Variants in SYT1 observed in about 807,000 individuals in gnomAD.
SYT1 encodes the protein synaptotagmin-1.
Under a neutral mutation model 44.8 loss-of-function variants are expected in SYT1, and 8 were observed. The ratio of observed to expected loss-of-function variants is 0.18; its 90% CI spans 0.10 to 0.32. The LOEUF is 0.32. SYT1 is among the 10% of genes least tolerant of loss of function. The pLI, the probability that SYT1 is intolerant of heterozygous loss-of-function variation, is 1.00. For missense variants in SYT1, 286 were observed against 509.3 expected, an observed-to-expected ratio of 0.56 and a Z score of 4.22; for synonymous variants, 154 against 188.8, an observed-to-expected ratio of 0.82 and a Z score of 1.51.
intron 2 of SYT1, among the ~76,000 whole-genome samples, chr12:78,988,029 C>T (rs1192794242): frequency 6.6e-6 from 1 of 152,066 alleles, no homozygotes; most frequent in East Asian, 1.9e-4. Flanking sequence ...ATTCATTCAA[C>T]CAATATTTAC....
At chr12:78,873,858 A>G (rs1296770245) in intron 1 of SYT1, among the ~76,000 whole-genome samples, 2 of 151,788 alleles carry the variant, frequency 1.3e-5, no homozygotes, top group Non-Finnish European at 3.0e-5. Context: ...TCAGTTGGCA[A>G]TTCTTTGTGT....
intron 3 of SYT1, among the ~76,000 whole-genome samples, chr12:79,089,636 G>C (rs1360111329): frequency 6.6e-6 from 1 of 151,820 alleles, no homozygotes; most frequent in Non-Finnish European, 1.5e-5. Context: ...CCAGATCCAA[G>C]GCCCTATATC....
intron 3 of SYT1, among the ~76,000 whole-genome samples, chr12:79,109,063 C>A (rs1218471318): frequency 6.6e-6 from 1 of 152,144 alleles, no homozygotes; most frequent in African/African-American, 2.4e-5. Context: ...GGACTCTCCA[C>A]AAGGCCAGGG....
At chr12:78,950,385 A>AAC in intron 1 of SYT1, among the ~76,000 whole-genome samples, 1 of 152,092 alleles carries the variant, frequency 6.6e-6, no homozygotes. Context: ...ACAATCATGC[A>AAC]ACACACACAC....
intron 9 of SYT1, among the ~76,000 whole-genome samples, chr12:79,400,266 G>T (rs946769622): frequency 6.6e-6 from 1 of 152,124 alleles, no homozygotes; most frequent in African/African-American, 2.4e-5. Context: ...GTTGAGCCAC[G>T]ATTTCATCAA....
At chr12:78,925,022 A>G (rs1350410177) in intron 1 of SYT1, among the ~76,000 whole-genome samples, 1 of 151,950 alleles carries the variant, frequency 6.6e-6, no homozygotes, top group East Asian at 1.9e-4. Context: ...ATATGAATAA[A>G]TACATATAAA....
chr12:79,007,195 T>C (rs1027579713), intron 2 of SYT1, among the ~76,000 whole-genome samples: 7 of 152,136 alleles, frequency 4.6e-5, no homozygotes, highest in Non-Finnish European at 8.8e-5. Flanking sequence ...GGAAATTATA[T>C]GACTAAATAT....
chr12:79,304,571 C>T (rs957245642), intron 8 of SYT1, among the ~76,000 whole-genome samples: 2 of 152,090 alleles, frequency 1.3e-5, no homozygotes, highest in African/African-American at 4.8e-5. Context: ...CTTTGTAACC[C>T]TCTTTTTCAT....
At chr12:78,909,585 G>A (rs1876199020) in intron 1 of SYT1, among the ~76,000 whole-genome samples, 1 of 151,828 alleles carries the variant, frequency 6.6e-6, no homozygotes, top group African/African-American at 2.4e-5. Flanking sequence ...TTTTCTTATG[G>A]TTAAATTTTG....
intron 4 of SYT1, among the ~76,000 whole-genome samples, chr12:79,281,769 G>A (rs1318770240): frequency 6.6e-6 from 1 of 152,094 alleles, no homozygotes; most frequent in Admixed American, 6.6e-5. Context: ...AATCTCTTGA[G>A]GTCTTCTTTG....
chr12:79,114,544 A>ACTC (rs34461305), intron 3 of SYT1, among the ~76,000 whole-genome samples: 17,012 of 151,900 alleles, frequency 0.11, 1,015 homozygotes, highest in African/African-American at 0.13. Context: ...CTACATCATA[A>ACTC]CTCCTACAGT....
At chr12:79,185,459 G>T (rs896531798) in intron 3 of SYT1, among the ~76,000 whole-genome samples, 1 of 151,802 alleles carries the variant, frequency 6.6e-6, no homozygotes, top group Non-Finnish European at 1.5e-5. Context: ...TTCTGTGTTA[G>T]ATTTCTCCAG....
chr12:78,938,444 T>A (rs1878180961), intron 1 of SYT1, among the ~76,000 whole-genome samples: 1 of 152,178 alleles, frequency 6.6e-6, no homozygotes, highest in African/African-American at 2.4e-5. Flanking sequence ...GTTGAGCAGA[T>A]TTACTTCAGG....
chr12:79,000,291 T>C (rs931258939), intron 2 of SYT1, among the ~76,000 whole-genome samples: 11 of 127,330 alleles, frequency 8.6e-5, no homozygotes, highest in East Asian at 2.7e-4. Flanking sequence ...ACTGCTTCTT[T>C]TTTTTTTTTT....
At chr12:79,289,376 G>T (rs1879462099) in intron 5 of SYT1, among the ~76,000 whole-genome samples, 1 of 152,248 alleles carries the variant, frequency 6.6e-6, no homozygotes, top group African/African-American at 2.4e-5. Context: ...GATTTAATAG[G>T]TCTGAATTTA....
chr12:78,953,209 A>AT (rs1471047116), intron 1 of SYT1, among the ~76,000 whole-genome samples: 1 of 151,986 alleles, frequency 6.6e-6, no homozygotes, highest in Non-Finnish European at 1.5e-5. Context: ...GAGAAAGTGG[A>AT]TTTTTTTAAC....
intron 3 of SYT1, among the ~76,000 whole-genome samples, chr12:79,211,662 T>C (rs1006985454): frequency 6.8e-6 from 1 of 146,450 alleles, no homozygotes; most frequent in African/African-American, 2.5e-5. Flanking sequence ...CATTGTTCAA[T>C]TCCCACCTAG....
chr12:79,150,166 A>C (rs1452811220), intron 3 of SYT1, among the ~76,000 whole-genome samples: 19 of 152,080 alleles, frequency 1.2e-4, no homozygotes. Flanking sequence ...AGCATTTAAA[A>C]TCTACTCTTT....
At chr12:78,899,073 T>C (rs1875517651) in intron 1 of SYT1, among the ~76,000 whole-genome samples, 1 of 152,072 alleles carries the variant, frequency 6.6e-6, no homozygotes, top group Non-Finnish European at 1.5e-5. Flanking sequence ...ACAGCTTTGA[T>C]GTGGCACATT....
Sources: allele counts gnomAD v4.1 joint callset (sites outside exome capture counted in the v4.1 genomes callset), GRCh38; gene constraint gnomAD v4.1.1; transcripts MANE v1.5; gene names NCBI Gene and HGNC (gene_info 2026-07-23, HGNC 2026-07-21).